PLEKHA8: variants seen among roughly 807,000 people sequenced by gnomAD.
The protein encoded by PLEKHA8 is pleckstrin homology domain containing A8.
Under a neutral mutation model 68.2 loss-of-function variants are expected in PLEKHA8, and 36 were observed. The observed-to-expected ratio is 0.53, with a 90% CI of 0.40 to 0.70. The LOEUF (loss-of-function observed/expected upper bound fraction) is 0.70. Ranked by LOEUF, PLEKHA8 falls within the 30% of genes least tolerant of loss-of-function variation. The pLI, the probability that PLEKHA8 is intolerant of heterozygous loss-of-function variation, is 0.00. For missense variants in PLEKHA8, 505 were observed against 615.4 expected, an observed-to-expected ratio of 0.82 and a Z score of 1.90; for synonymous variants, 211 against 216.1, an observed-to-expected ratio of 0.98 and a Z score of 0.20.
At chr7:30,111,779 C>G (rs1335479764) in intron 13 of PLEKHA8, among the ~76,000 whole-genome samples, 3 of 152,056 alleles carry the variant, frequency 2.0e-5, no homozygotes, top group Non-Finnish European at 4.4e-5. Context: ...GCCACCACAC[C>G]CAGCTAATTT....
intron 13 of PLEKHA8, chr7:30,115,715 C>CACATACAT (rs1796441252): frequency 3.2e-4 from 35 of 111,012 alleles, no homozygotes; most frequent in African/African-American, 1.1e-3. Flanking sequence ...TATACATACG[C>CACATACAT]GCATGCATGC....
intron 12 of PLEKHA8, among the ~76,000 whole-genome samples, chr7:30,070,496 G>A (rs958886167): frequency 6.6e-6 from 1 of 150,830 alleles, no homozygotes; most frequent in Non-Finnish European, 1.5e-5. Flanking sequence ...GAATGGCAAT[G>A]TATAGGAAAG....
intron 13 of PLEKHA8, among the ~76,000 whole-genome samples, chr7:30,098,960 A>T (rs952597001): frequency 2.0e-5 from 3 of 152,140 alleles, no homozygotes; most frequent in Admixed American, 1.3e-4. Flanking sequence ...TCTTGGCTCC[A>T]CCTCAACCTG....
chr7:30,106,200 A>G (rs950862354), intron 13 of PLEKHA8, among the ~76,000 whole-genome samples: 4 of 152,130 alleles, frequency 2.6e-5, no homozygotes, highest in Non-Finnish European at 5.9e-5. Context: ...CTGGGATTAC[A>G]GGCGCATGCC....
At chr7:30,076,039 T>A (rs1794590566) in intron 13 of PLEKHA8, among the ~76,000 whole-genome samples, 1 of 151,926 alleles carries the variant, frequency 6.6e-6, no homozygotes. Flanking sequence ...TTTTAAATAT[T>A]GATCTATTTT....
chr7:30,115,482 G>A (rs13311060), intron 13 of PLEKHA8, among the ~76,000 whole-genome samples: 1 of 150,706 alleles, frequency 6.6e-6, no homozygotes, highest in Non-Finnish European at 1.5e-5. Flanking sequence ...ACATGTATAC[G>A]TGTATGTAGA....
At position 30,067,739 on chromosome 7, in the gene PLEKHA8, C is replaced by G. The variant is rs141378374; in HGVS notation, c.1300+4997C>G. 2.4e-3 allele frequency among the ~76,000 whole-genome samples: 368 copies of G among 152,320 alleles called. 2 individuals are homozygous for G. The highest frequency in any genetic ancestry group is 8.8e-3 in the African/African-American group (364 of 41,570). ...TGTATATGAGGTATCATATTGTGCACATTCTTCCTTCTTCACTCAGTATTT... is the reference window on the plus strand; with the variant it reads ...TGTATATGAGGTATCATATTGTGCAGATTCTTCCTTCTTCACTCAGTATTT... On this transcript the variant is annotated intron_variant, in intron 12 of 13. Transcript: ENST00000449726.
In PLEKHA8 at chr7:30,060,789, G is replaced by A. The variant is rs939813608; in HGVS notation, c.1040-95G>A. The A allele has an allele frequency of 1.6e-5, 15 of 966,704 alleles. No individual in the cohort carries two copies. In the South Asian group the frequency reaches 2.2e-4, roughly 14 times the overall value. 59.9% of individuals were successfully genotyped at this position (966,704 alleles called of 1,614,324 possible). The stretch of plus-strand genomic sequence containing the variant: ...TGATTTGGAAGCAAAAATTAAAGTT[G>A]TTGGGGATCTGCTAAATTTATTATT... On this transcript the variant is annotated intron_variant, in intron 9 of 13. Coordinates refer to ENST00000449726, the MANE Select transcript of PLEKHA8 (RefSeq NM_001197026.2).
chr7:30,080,676 G>T lies in PLEKHA8; in HGVS notation c.*1889G>T, dbSNP rs758617068. The T allele has an allele frequency of 7.9e-6, 7 of 880,916 alleles. No homozygotes were observed. Among genetic ancestry groups the T allele is most frequent in the Non-Finnish European group, 9.5e-6 (7 of 734,996 alleles). The allele number at this position is 880,916 out of a possible 1,614,324, so 54.6% of individuals were successfully genotyped here. On this transcript the variant is annotated 3_prime_UTR_variant, in exon 14 of 14. Coordinates refer to ENST00000449726, the MANE Select transcript of PLEKHA8 (RefSeq NM_001197026.2). ...TTAAAGCTAGGGAGAAAGAAGGGGG[G>T]TATTAAAATGATGTTGATTATTTTG... is the stretch of plus-strand genomic sequence containing the variant.
At chr7:30,122,841 A>C (rs1048069767) in intron 13 of PLEKHA8, among the ~76,000 whole-genome samples, 4 of 152,092 alleles carry the variant, frequency 2.6e-5, no homozygotes, top group Non-Finnish European at 5.9e-5. Context: ...TGCAAAGTAA[A>C]GGATGGAAAA....
intron 13 of PLEKHA8, among the ~76,000 whole-genome samples, chr7:30,104,428 C>T (rs2128013348): frequency 6.6e-6 from 1 of 152,278 alleles, no homozygotes; most frequent in South Asian, 2.1e-4. Context: ...TTTGTCTCTT[C>T]ACTTTGCTAA....
rs1792218161 is a variant in PLEKHA8 at position 30,049,313 on chromosome 7, C to T, written c.528C>T (p.Ala176=). The T allele has an allele frequency of 6.2e-7, 1 of 1,613,978 alleles. No homozygotes were observed. The highest frequency in any genetic ancestry group is 1.3e-5 in the African/African-American group (1 of 74,898). Residue 176 remains alanine (A), a synonymous_variant, in exon 5 of 14, where the codon GCC becomes GCT. Coordinates refer to ENST00000449726, the MANE Select transcript of PLEKHA8 (RefSeq NM_001197026.2). ...LEECMQIANA[A]FTSELLYRTP... ...AATGCATGCAGATCGCAAATGCAGC[C>T]TTCACCTCTGAGCTGCTCTACCGCA...
chr7:30,086,457 G>A, downstream of PLEKHA8, among the ~76,000 whole-genome samples: 1 of 152,226 alleles, frequency 6.6e-6, no homozygotes, highest in East Asian at 1.9e-4. Context: ...ACCCTTTGGG[G>A]TGCTTGGACT....
rs1206110309 is a variant in PLEKHA8 at position 30,081,290 on chromosome 7, T to C, written c.*2503T>C. The C allele has an allele frequency of 1.0e-6, 1 of 985,246 alleles. No homozygotes were observed. The highest frequency in any genetic ancestry group is 1.1e-4 in the East Asian group (1 of 8,828). The allele number at this position is 985,246 out of a possible 1,614,324, so 61.0% of individuals were successfully genotyped here. A position where few individuals can be genotyped will look rare whatever the true frequency, so the allele number is the denominator to read the frequency against. ...TTTTCCCCACTGGAGCATATTACGT[T>C]TGCCTAAGATGTATAAAAGTTTGTT... is the stretch of plus-strand genomic sequence containing the variant. On this transcript the variant is annotated 3_prime_UTR_variant, in exon 14 of 14. Transcript: ENST00000449726.
At chr7:30,127,603 T>C (rs753059003) in intron 13 of PLEKHA8, among the ~76,000 whole-genome samples, 1 of 152,226 alleles carries the variant, frequency 6.6e-6, no homozygotes, top group Non-Finnish European at 1.5e-5. Flanking sequence ...AAAGGTGGAC[T>C]GGTGTCTTCA....
At chr7:30,115,891 T>TGCAC (rs1562558248) in intron 13 of PLEKHA8, 19 of 143,634 alleles carry the variant, frequency 1.3e-4, no homozygotes, top group African/African-American at 4.6e-4. Flanking sequence ...CATACATGCG[T>TGCAC]ATACATGCAT....
At position 30,028,805 on chromosome 7, in the gene PLEKHA8, G is replaced by A; in HGVS notation, c.40+3G>A. The A allele has an allele frequency of 7.9e-7, 1 of 1,268,742 alleles. No individual in the cohort carries two copies. Among genetic ancestry groups the A allele is most frequent in the Middle Eastern group, 2.1e-4 (1 of 4,868 alleles). The allele number at this position is 1,268,742 out of a possible 1,614,324, so 78.6% of individuals were successfully genotyped here. ...CAAGTGGACCAACTATCTGAGCGGT[G>A]AGTGGCCGTGCCGGGCCGGGGGCGC... On this transcript the variant is annotated splice_donor_region_variant and intron_variant, in intron 1 of 13. Transcript: ENST00000449726.
Position 30,082,809 on chromosome 7 carries a change from C to T in PLEKHA8, c.*4022C>T, listed in dbSNP as rs17449371. ...TCATACATATGGAGAAACATCAGAT[C>T]AGGCAATAGAGTCAGAGGGTCATGA... On this transcript the variant is annotated 3_prime_UTR_variant, in exon 14 of 14. Coordinates refer to ENST00000449726, the MANE Select transcript of PLEKHA8 (RefSeq NM_001197026.2). 1 of 985,056 alleles carries T rather than the reference C, an allele frequency of 1.0e-6. No individual in the cohort carries two copies. The allele number at this position is 985,056 out of a possible 1,614,324, so 61.0% of individuals were successfully genotyped here.
intron 13 of PLEKHA8, among the ~76,000 whole-genome samples, chr7:30,096,900 G>A (rs1795642905): frequency 6.6e-6 from 1 of 152,162 alleles, no homozygotes; most frequent in Non-Finnish European, 1.5e-5. Flanking sequence ...CTCGTTAGTT[G>A]ATGCAGTTTC....
Sources: allele counts gnomAD v4.1 joint callset (sites outside exome capture counted in the v4.1 genomes callset), GRCh38; gene constraint gnomAD v4.1.1; transcripts MANE v1.5; gene names NCBI Gene and HGNC (gene_info 2026-07-23, HGNC 2026-07-21).